The following CAST variants were observed in gnomAD, a reference collection of about 807,000 sequenced individuals.
The protein encoded by CAST is calpastatin.
In CAST, 76 loss-of-function variants were observed where a neutral mutation model predicts 119.6. That is an observed-to-expected ratio of 0.64 (90% CI 0.53 to 0.77). The LOEUF is 0.77. CAST is among the 30% of genes least tolerant of loss of function. The probability of loss-of-function intolerance (pLI) is 0.00; values close to 1 mark genes in which losing one functional copy is unlikely to be tolerated. For missense variants in CAST, 953 were observed against 946.5 expected (o/e 1.01, Z -0.09); for synonymous variants, 319 against 331.6 (o/e 0.96, Z 0.41).
chr5:96,076,421 T>C, the CAST span, among the ~76,000 whole-genome samples: 1 of 152,210 alleles, frequency 6.6e-6, no homozygotes, highest in Non-Finnish European at 1.5e-5. Flanking sequence ...GAATTTATAA[T>C]CTTCCTTCTG....
At chr5:96,485,613 G>A in the CAST span, among the ~76,000 whole-genome samples, 11,414 of 152,056 alleles carry the variant, frequency 0.075, 1,439 homozygotes, top group African/African-American at 0.26. Context: ...GACCATTAAC[G>A]AAAAACATGT....
intron 1 of CAST, among the ~76,000 whole-genome samples, chr5:96,643,690 T>C (rs995890569): frequency 6.6e-6 from 1 of 152,058 alleles, no homozygotes; most frequent in Non-Finnish European, 1.5e-5. Context: ...CTGGCCAACA[T>C]GGTGAAACCT....
At position 96,589,789 on chromosome 5, in the gene CAST, A is replaced by G. The variant is rs184651088; in HGVS notation, c.60+59909A>G. Among the ~76,000 whole-genome samples the G allele has an allele frequency of 4.5e-3, 686 of 152,340 alleles. 4 individuals are homozygous for G. The highest frequency in any genetic ancestry group is 6.5e-3 in the Non-Finnish European group (442 of 68,026). ...CAATCTAGCACAAAAGCCTTGCTAA[A>G]TAATCAGCTATCACGTCTCATTCAT... On this transcript the variant is annotated intron_variant, in intron 1 of 11. Coordinates refer to the CAST transcript ENST00000505143.
the CAST span, among the ~76,000 whole-genome samples, chr5:96,362,696 G>T: frequency 2.0e-5 from 3 of 152,134 alleles, no homozygotes; most frequent in Non-Finnish European, 4.4e-5. Context: ...TTTTTCTCTT[G>T]TAAATTATCT....
the CAST span, among the ~76,000 whole-genome samples, chr5:96,107,621 G>A: frequency 6.6e-6 from 1 of 152,066 alleles, no homozygotes; most frequent in African/African-American, 2.4e-5. Context: ...TTCCCTTTGT[G>A]GGTAACCTGA....
At chr5:96,401,036 A>G in the CAST span, among the ~76,000 whole-genome samples, 9 of 142,514 alleles carry the variant, frequency 6.3e-5, no homozygotes, top group East Asian at 2.2e-4. Flanking sequence ...GCAGTGAGCC[A>G]AGATTGTGCC....
At chr5:96,652,667 T>A (rs1369215585) in intron 1 of CAST, among the ~76,000 whole-genome samples, 1 of 152,216 alleles carries the variant, frequency 6.6e-6, no homozygotes, top group Non-Finnish European at 1.5e-5. Flanking sequence ...GTGCCATATG[T>A]TCATTTTAAG....
chr5:96,005,674 T>A, the CAST span, among the ~76,000 whole-genome samples: 37 of 152,266 alleles, frequency 2.4e-4, no homozygotes, highest in African/African-American at 7.5e-4. Context: ...ATAAAACCAA[T>A]TCAAACTAAA....
At chr5:95,968,486 T>A in the CAST span, among the ~76,000 whole-genome samples, 1 of 152,346 alleles carries the variant, frequency 6.6e-6, no homozygotes, top group East Asian at 1.9e-4. Context: ...TTTTATTGCA[T>A]GTTGTTCATA....
the CAST span, among the ~76,000 whole-genome samples, chr5:95,994,401 A>G: frequency 6.6e-6 from 1 of 152,196 alleles, no homozygotes; most frequent in Admixed American, 6.6e-5. Flanking sequence ...ACAACATTAT[A>G]TTCCATGTGA....
chr5:96,448,626 C>T, the CAST span, among the ~76,000 whole-genome samples: 1 of 152,076 alleles, frequency 6.6e-6, no homozygotes, highest in Non-Finnish European at 1.5e-5. Flanking sequence ...AGTGTGCAAA[C>T]TCTTGAAGCT....
At chr5:96,624,930 G>A (rs774706433) in intron 1 of CAST, among the ~76,000 whole-genome samples, 8 of 152,206 alleles carry the variant, frequency 5.3e-5, no homozygotes, top group South Asian at 2.1e-4. Flanking sequence ...ATGGCAACAC[G>A]TGGATTCAAG....
chr5:96,522,122 A>G (rs1745528061), upstream of CAST, among the ~76,000 whole-genome samples: 1 of 152,226 alleles, frequency 6.6e-6, no homozygotes, highest in Non-Finnish European at 1.5e-5. Flanking sequence ...TCTCAAAAAA[A>G]AAAAATGACT....
chr5:96,159,563 A>G, the CAST span, among the ~76,000 whole-genome samples: 1 of 152,192 alleles, frequency 6.6e-6, no homozygotes, highest in African/African-American at 2.4e-5. Context: ...CCCCATACTC[A>G]TACAAACATA....
At chr5:96,507,717 G>A in the CAST span, among the ~76,000 whole-genome samples, 1 of 152,066 alleles carries the variant, frequency 6.6e-6, no homozygotes, top group African/African-American at 2.4e-5. Flanking sequence ...TGTAAGCCTC[G>A]GATGCAAAGG....
intron 1 of CAST, among the ~76,000 whole-genome samples, chr5:96,642,227 C>T (rs1747958909): frequency 6.6e-6 from 1 of 152,194 alleles, no homozygotes; most frequent in African/African-American, 2.4e-5. Context: ...TTACCTGTAT[C>T]CACCACTAGA....
the CAST span, among the ~76,000 whole-genome samples, chr5:96,109,322 TG>T: frequency 6.6e-6 from 1 of 152,268 alleles, no homozygotes; most frequent in Non-Finnish European, 1.5e-5. Flanking sequence ...TAGTGATATT[TG>T]CATTAGGAAA....
intron 1 of CAST, chr5:96,630,953 A>G (rs1241033455): frequency 7.3e-6 from 1 of 136,266 alleles, no homozygotes; most frequent in Non-Finnish European, 1.7e-5. Flanking sequence ...ATTTTTTTAA[A>G]TAATCTCTTA....
chr5:96,453,730 CAA>C, the CAST span, among the ~76,000 whole-genome samples: 1 of 152,094 alleles, frequency 6.6e-6, no homozygotes, highest in South Asian at 2.1e-4. Context: ...TAACTAGACT[CAA>C]TAAAAAATGT....
Sources: gnomAD v4.1 joint callset for allele counts (sites outside exome capture counted in the v4.1 genomes callset) on GRCh38, gnomAD v4.1.1 for gene constraint, MANE v1.5 for transcripts, NCBI Gene and HGNC (gene_info 2026-07-23, HGNC 2026-07-21) for gene names.